TMEM67: variants seen among roughly 807,000 people sequenced by gnomAD.
TMEM67 encodes the protein transmembrane protein 67, also known as meckelin.
TMEM67 carries 124 observed loss-of-function variants against 136.6 expected under a neutral mutation model. That is an observed-to-expected ratio of 0.91 (90% confidence interval 0.78 to 1.05). The LOEUF is 1.05. TMEM67 is among the 50% of genes least tolerant of loss of function. The pLI, the probability that TMEM67 is intolerant of heterozygous loss-of-function variation, is 0.00. For synonymous variants in TMEM67, 364 were observed against 390.5 expected, an observed-to-expected ratio of 0.93 and a Z score of 0.80; for missense variants, 1,107 against 1,178.4, an observed-to-expected ratio of 0.94 and a Z score of 0.89.
chr8:93,765,373 CA>C (rs768876282), intron 4 of TMEM67, 32 bp from the exon 5 acceptor site: 1 of 1,548,924 alleles, frequency 6.5e-7, no homozygotes, highest in East Asian at 2.3e-5. Context: ...AATTTATTAA[CA>C]TTTTTAAAAT....
chr8:93,755,926 A>G, intron 2 of TMEM67, 60 bp downstream of exon 2: 2 of 912,864 alleles, frequency 2.2e-6, no homozygotes, highest in Non-Finnish European at 3.5e-6. Context: ...AAATATCTTT[A>G]TTTTTCAAAA....
chr8:93,781,103 A>G (rs1185934987), intron 9 of TMEM67, 121 bp downstream of exon 9: 4 of 709,056 alleles, frequency 5.6e-6, no homozygotes, highest in East Asian at 2.7e-5. Context: ...TAAACTAAAT[A>G]TAAATGTCAA....
intron 3 of TMEM67, among the ~76,000 whole-genome samples, chr8:93,762,688 T>A (rs568701922): frequency 6.6e-6 from 1 of 152,192 alleles, no homozygotes; most frequent in East Asian, 1.9e-4. Context: ...GTTTTATGAG[T>A]TGGATGGCAA....
At position 93,796,001 on chromosome 8, in the gene TMEM67, G is replaced by T. The variant is rs369727716; in HGVS notation, c.1860+14G>T. The T allele has an allele frequency of 5.1e-6, 8 of 1,579,122 alleles. No homozygotes were observed. The African/African-American group carries it at 1.1e-4, about 21-fold the overall frequency. ...TTTGCTCTGAAGGTAAGTTTTAAAGGACAGGTTACCAAATTTAAAAGGCCT... is the reference window on the plus strand; with the variant it reads ...TTTGCTCTGAAGGTAAGTTTTAAAGTACAGGTTACCAAATTTAAAAGGCCT... On this transcript the variant is annotated intron_variant, in intron 18 of 27. Coordinates refer to ENST00000453321, the MANE Select transcript of TMEM67 (RefSeq NM_153704.6).
intron 3 of TMEM67, chr8:93,762,951 G>T (rs1812917197): frequency 6.9e-6 from 3 of 435,878 alleles, no homozygotes; most frequent in African/African-American, 6.1e-5. Flanking sequence ...TTGAAACAGG[G>T]TCTCACTCTT....
chr8:93,756,538 A>G (rs554277404), intron 2 of TMEM67: 1 of 152,296 alleles, frequency 6.6e-6, no homozygotes, highest in South Asian at 2.1e-4. Context: ...TGGGAATTTA[A>G]TGTGAAGTTA....
intron 26 of TMEM67, among the ~76,000 whole-genome samples, chr8:93,811,865 T>TG (rs1808716256): frequency 6.6e-6 from 1 of 151,534 alleles, no homozygotes; most frequent in Non-Finnish European, 1.5e-5. Flanking sequence ...CCACTGCTAA[T>TG]GGGGCCAGGT....
Position 93,755,127 on chromosome 8 carries a change from A to G in TMEM67, c.213A>G (p.Gln71=). 1.2e-6 allele frequency: 2 copies of G among 1,614,120 alleles called. No individual in the cohort carries two copies. Among genetic ancestry groups the G allele is most frequent in the Non-Finnish European group, 1.7e-6 (2 of 1,179,992 alleles). Residue 71 remains glutamine (Q), a synonymous_variant, in exon 1 of 28, where the codon CAA becomes CAG. Transcript: ENST00000453321. ...TTCCTTGTGGAGCTAACCAGAGGCA[A>G]GATGCCCGAGGTAAGACGGTTTGCG... ...SCVPCGANQR[Q]DARGTSCVCL... is the part of the protein sequence containing the mutation.
At chr8:93,762,136 T>A (rs1207570170) in intron 3 of TMEM67, 1 of 152,064 alleles carries the variant, frequency 6.6e-6, no homozygotes, top group Admixed American at 6.6e-5. Context: ...GTGCCTGTAG[T>A]CCCAGCTACT....
chr8:93,827,404 C>G, the TMEM67 span, among the ~76,000 whole-genome samples: 2 of 151,902 alleles, frequency 1.3e-5, no homozygotes, highest in Non-Finnish European at 2.9e-5. Context: ...AAAAAAGACA[C>G]AGAGTCTCAT....
chr8:93,822,408 G>A (rs547720206), downstream of TMEM67, among the ~76,000 whole-genome samples: 15 of 152,322 alleles, frequency 9.8e-5, no homozygotes, highest in Middle Eastern at 3.4e-3. Context: ...GGGGATTCGC[G>A]TTAATCTGTA....
intron 2 of TMEM67, among the ~76,000 whole-genome samples, chr8:93,758,132 C>T (rs187148267): frequency 4.2e-4 from 64 of 152,070 alleles, no homozygotes; most frequent in Non-Finnish European, 5.3e-4. Context: ...ATTAACTGAC[C>T]GTTGATTCAA....
chr8:93,795,765 C>A, intron 17 of TMEM67, 136 bp from the exon 18 acceptor site: 1 of 705,466 alleles, frequency 1.4e-6, no homozygotes, highest in South Asian at 1.8e-5. Context: ...TCCTGTGAGT[C>A]CAGAATCAAG....
chr8:93,795,848 C>T, intron 17 of TMEM67, 53 bp from the exon 18 acceptor site: 1 of 1,368,866 alleles, frequency 7.3e-7, no homozygotes, highest in African/African-American at 1.5e-5. Context: ...AACAAACAAA[C>T]AAACAAAAAA....
At chr8:93,786,480 A>T in intron 13 of TMEM67, 134 bp downstream of exon 13, 1 of 987,880 alleles carries the variant, frequency 1.0e-6, no homozygotes, top group Non-Finnish European at 1.5e-6. Context: ...GTATGTGTAG[A>T]TTGGCATAGA....
intron 26 of TMEM67, among the ~76,000 whole-genome samples, chr8:93,810,153 G>C (rs936381764): frequency 1.3e-5 from 2 of 150,268 alleles, no homozygotes; most frequent in East Asian, 3.9e-4. Flanking sequence ...TGTATTTTTA[G>C]TAGAGACGGG....
rs567447820 is a variant in TMEM67 at position 93,764,381 on chromosome 8, CT to C, written c.506+442del. Among the ~76,000 whole-genome samples, 1,221 of 152,086 alleles carry C rather than the reference CT, an allele frequency of 8.0e-3. 8 individuals are homozygous for C. Among genetic ancestry groups the C allele is most frequent in the South Asian group, 0.02 (95 of 4,812 alleles). On this transcript the variant is annotated intron_variant, in intron 4 of 27. Transcript: ENST00000453321. Reference sequence around the variant, plus strand: ...ATGTGCTAAGTACTGTACTAAAGCCCTTATGTATTATAATGTTACATAGAAA... The same window carrying C: ...ATGTGCTAAGTACTGTACTAAAGCCCTATGTATTATAATGTTACATAGAAA...
chr8:93,828,533 AG>A, the TMEM67 span, among the ~76,000 whole-genome samples: 1 of 152,210 alleles, frequency 6.6e-6, no homozygotes, highest in Non-Finnish European at 1.5e-5. Flanking sequence ...TGAGGTCAAA[AG>A]TTCAAGACCA....
At position 93,780,670 on chromosome 8, in the gene TMEM67, A is replaced by G. The variant is rs1358891094; in HGVS notation, c.792A>G (p.Thr264=). 2.5e-6 allele frequency: 4 copies of G among 1,614,082 alleles called. No homozygotes were observed. The South Asian group carries it at 4.4e-5, about 18-fold the overall frequency. The stretch of plus-strand genomic sequence containing the variant: ...ACATGAATTCTTACGACTTTGCCAC[A>G]TTTGATGCATGTGGACTATTTCAGT... ...VMNMNSYDFA[T]FDACGLFQFI... is the part of the protein sequence containing the mutation. Residue 264 remains threonine (T), a synonymous_variant, in exon 8 of 28, where the codon ACA becomes ACG. Coordinates refer to ENST00000453321, the MANE Select transcript of TMEM67 (RefSeq NM_153704.6).
Sources: allele counts gnomAD v4.1 joint callset (sites outside exome capture counted in the v4.1 genomes callset), GRCh38; gene constraint gnomAD v4.1.1; transcripts MANE v1.5; gene names NCBI Gene and HGNC (gene_info 2026-07-23, HGNC 2026-07-21).